The following MACROD1 variants were observed in gnomAD, a reference collection of about 807,000 sequenced individuals.
MACROD1 encodes ADP-ribose glycohydrolase MACROD1.
A neutral mutation model predicts 41.4 loss-of-function variants in MACROD1; 31 were observed. That is an observed-to-expected ratio of 0.75 (90% CI 0.56 to 1.01). The LOEUF (loss-of-function observed/expected upper bound fraction) is 1.01, where lower values mean the gene tolerates loss of function less well. MACROD1 is among the 50% of genes least tolerant of loss of function. MACROD1 has a pLI of 0.00. For synonymous variants in MACROD1, 252 were observed against 203.4 expected (o/e 1.24, Z -2.03); for missense variants, 473 against 460.0 (o/e 1.03, Z -0.26).
chr11:63,999,829 T>A, intron 5 of MACROD1, 66 bp from the exon 6 acceptor site: 5 of 1,538,472 alleles, frequency 3.2e-6, no homozygotes, highest in Non-Finnish European at 8.8e-7. Flanking sequence ...CGCTTCCCCC[T>A]GCCGGCCTGG....
At chr11:64,144,896 G>A (rs1203626430) in intron 3 of MACROD1, among the ~76,000 whole-genome samples, 3 of 152,236 alleles carry the variant, frequency 2.0e-5, no homozygotes, top group Non-Finnish European at 4.4e-5. Flanking sequence ...GCATCCCTGC[G>A]GGGCCCCTGC....
At chr11:64,159,313 C>T (rs1286399232) in intron 1 of MACROD1, among the ~76,000 whole-genome samples, 12 of 114,886 alleles carry the variant, frequency 1.0e-4, no homozygotes, top group Non-Finnish European at 1.8e-4. Context: ...AGCGAGTCTC[C>T]GTCTCAGAAA....
chr11:64,094,853 T>C (rs571496810), intron 3 of MACROD1, among the ~76,000 whole-genome samples: 1 of 152,322 alleles, frequency 6.6e-6, no homozygotes, highest in African/African-American at 2.4e-5. Flanking sequence ...AGAGGTCACA[T>C]CCAGGTTGGG....
intron 3 of MACROD1, among the ~76,000 whole-genome samples, chr11:64,019,223 C>G (rs191893698): frequency 2.6e-5 from 4 of 152,186 alleles, no homozygotes; most frequent in Admixed American, 6.5e-5. Flanking sequence ...TCCCCCCGCC[C>G]GAGGACATGC....
At chr11:64,121,571 T>C (rs1590940609) in intron 3 of MACROD1, among the ~76,000 whole-genome samples, 1 of 152,078 alleles carries the variant, frequency 6.6e-6, no homozygotes, top group Non-Finnish European at 1.5e-5. Flanking sequence ...TGAAACCCCA[T>C]CCCCTCTTGG....
At chr11:64,044,951 C>T (rs1943556628) in intron 3 of MACROD1, among the ~76,000 whole-genome samples, 1 of 152,178 alleles carries the variant, frequency 6.6e-6, no homozygotes, top group Admixed American at 6.5e-5. Context: ...ACACATGTGT[C>T]AGGGAGGAAT....
intron 4 of MACROD1, chr11:64,001,119 C>T (rs1412797668): frequency 7.9e-6 from 3 of 378,602 alleles, no homozygotes; most frequent in African/African-American, 6.2e-5. Flanking sequence ...AGATAAACAA[C>T]CGGGGCGCAG....
chr11:64,038,850 C>A (rs577483899), intron 3 of MACROD1, among the ~76,000 whole-genome samples: 1 of 152,318 alleles, frequency 6.6e-6, no homozygotes, highest in South Asian at 2.1e-4. Flanking sequence ...GGTTTCTCTA[C>A]CTGGCCTGCT....
chr11:64,105,296 A>G (rs990010174), intron 3 of MACROD1, among the ~76,000 whole-genome samples: 2 of 152,152 alleles, frequency 1.3e-5, no homozygotes, highest in African/African-American at 2.4e-5. Flanking sequence ...GGTCATTCCC[A>G]GGCTGAAGCC....
Position 64,005,453 on chromosome 11 carries a change from A to G in MACROD1, c.548-5110T>C, listed in dbSNP as rs78405887. Among the ~76,000 whole-genome samples, 311 of 152,226 alleles carry G rather than the reference A, an allele frequency of 2.0e-3. 9 individuals carry two copies. The East Asian group carries it at 0.046, about 23-fold the overall frequency. On this transcript the variant is annotated intron_variant, in intron 4 of 10. Transcript: ENST00000255681. ...TGGGCAGCTCTTGCCCCTGGCCCCC[A>G]CCTTCCTAGACTCCTGTGGGCCCCA...
At chr11:64,086,593 T>A (rs1944399190) in intron 3 of MACROD1, among the ~76,000 whole-genome samples, 1 of 152,156 alleles carries the variant, frequency 6.6e-6, no homozygotes, top group African/African-American at 2.4e-5. Context: ...TGCACAGCGG[T>A]TCTGCGACTG....
intron 3 of MACROD1, chr11:64,138,528 G>C (rs1333934894): frequency 3.0e-6 from 3 of 985,324 alleles, no homozygotes; most frequent in African/African-American, 1.7e-5. Context: ...GGCGTTTGAT[G>C]ATGTTTAAAC....
chr11:64,098,633 C>T (rs1249616525), intron 3 of MACROD1, among the ~76,000 whole-genome samples: 1 of 152,174 alleles, frequency 6.6e-6, no homozygotes, highest in African/African-American at 2.4e-5. Flanking sequence ...TCACAAAGAG[C>T]CTTTTCATCT....
intron 3 of MACROD1, among the ~76,000 whole-genome samples, chr11:64,057,407 C>A (rs1943809792): frequency 6.6e-6 from 1 of 152,190 alleles, no homozygotes; most frequent in Non-Finnish European, 1.5e-5. Flanking sequence ...GGGAGTGACC[C>A]ACATGGTGCC....
rs1460724024 is a variant in MACROD1, at chr11:64,036,721, A to G, written c.518-21440T>C. On this transcript the variant is annotated intron_variant, in intron 3 of 10. Coordinates refer to ENST00000255681, the MANE Select transcript of MACROD1 (RefSeq NM_014067.4). The surrounding 1 kb of genome is among the most constrained non-coding windows in gnomAD (Gnocchi z 5.6). Reference sequence around the variant, plus strand: ...ACTTCCCTCCCTGTGCGCGCTGTGGACCGTCAGCCCTGAGCCGGGCGGGGG... The same window carrying G: ...ACTTCCCTCCCTGTGCGCGCTGTGGGCCGTCAGCCCTGAGCCGGGCGGGGG... Among the ~76,000 whole-genome samples, 1 of 151,256 alleles carries G rather than the reference A, an allele frequency of 6.6e-6. No individual in the cohort carries two copies. The highest frequency in any genetic ancestry group is 1.5e-5 in the Non-Finnish European group (1 of 67,718).
chr11:64,033,307 C>A (rs1292998710), intron 3 of MACROD1, among the ~76,000 whole-genome samples: 13 of 152,268 alleles, frequency 8.5e-5, no homozygotes, highest in Non-Finnish European at 1.6e-4. Flanking sequence ...ATCCCCCGAA[C>A]TGTGCACAGC....
chr11:64,010,209 G>C (rs1942982892), intron 4 of MACROD1, among the ~76,000 whole-genome samples: 1 of 150,342 alleles, frequency 6.7e-6, no homozygotes, highest in East Asian at 2.0e-4. Flanking sequence ...TGGCATATTG[G>C]TTGGGGTGTT....
At chr11:64,162,117 A>T (rs1424961623) in intron 1 of MACROD1, among the ~76,000 whole-genome samples, 2 of 151,908 alleles carry the variant, frequency 1.3e-5, no homozygotes, top group African/African-American at 4.8e-5. Flanking sequence ...CGAGGTGGGT[A>T]GATCGCTTGA....
At chr11:64,020,251 A>C (rs1943135638) in intron 3 of MACROD1, among the ~76,000 whole-genome samples, 1 of 152,182 alleles carries the variant, frequency 6.6e-6, no homozygotes, top group Non-Finnish European at 1.5e-5. Context: ...TGCACAGCTC[A>C]TTTAATCCTT....
Sources: gnomAD v4.1 joint callset for allele counts (sites outside exome capture counted in the v4.1 genomes callset) on GRCh38, gnomAD v4.1.1 for gene constraint, Gnocchi (gnomAD v3.1) non-coding constraint, MANE v1.5 for transcripts, NCBI Gene and HGNC (gene_info 2026-07-23, HGNC 2026-07-21) for gene names.